SGCD: variants seen among roughly 807,000 people sequenced by gnomAD.
The protein encoded by SGCD is delta-sarcoglycan.
Under a neutral mutation model 36.6 loss-of-function variants are expected in SGCD, and 18 were observed. The observed-to-expected ratio is 0.49, with a 90% CI of 0.34 to 0.73. SGCD has a LOEUF of 0.73. Ranked by LOEUF, SGCD falls within the 30% of genes least tolerant of loss-of-function variation. The pLI, the probability that SGCD is intolerant of heterozygous loss-of-function variation, is 0.01. For missense variants in SGCD, 387 were observed against 346.7 expected, an observed-to-expected ratio of 1.12 and a Z score of -0.92; for synonymous variants, 133 against 130.6, an observed-to-expected ratio of 1.02 and a Z score of -0.12.
intron 3 of SGCD, among the ~76,000 whole-genome samples, chr5:156,406,436 T>A (rs1455084760): frequency 6.6e-6 from 1 of 152,010 alleles, no homozygotes; most frequent in African/African-American, 2.4e-5. Flanking sequence ...TCTCCTCTCC[T>A]CTCCTCTTCT....
intron 3 of SGCD, among the ~76,000 whole-genome samples, chr5:156,287,214 A>G (rs773061797): frequency 2.0e-5 from 3 of 152,152 alleles, no homozygotes; most frequent in African/African-American, 4.8e-5. Flanking sequence ...TCTCTTGTAG[A>G]AACTTGATCA....
intron 1 of SGCD, among the ~76,000 whole-genome samples, chr5:155,990,230 C>T (rs1267825218): frequency 1.3e-5 from 2 of 152,070 alleles, no homozygotes; most frequent in East Asian, 1.9e-4. Context: ...GTTGCTCTCC[C>T]CTAAGCTGTT....
At chr5:156,017,151 T>C (rs1200013087) in intron 1 of SGCD, among the ~76,000 whole-genome samples, 1 of 152,226 alleles carries the variant, frequency 6.6e-6, no homozygotes, top group Non-Finnish European at 1.5e-5. Flanking sequence ...TCTTTTTATA[T>C]GTTTAAAAAC....
intron 4 of SGCD, among the ~76,000 whole-genome samples, chr5:156,567,152 C>A (rs576782069): frequency 1.3e-5 from 2 of 152,202 alleles, no homozygotes; most frequent in African/African-American, 4.8e-5. Flanking sequence ...GGTTAAACTC[C>A]CTCAGTTCTT....
intron 3 of SGCD, among the ~76,000 whole-genome samples, chr5:156,233,884 G>A (rs911861017): frequency 2.0e-5 from 3 of 152,172 alleles, no homozygotes; most frequent in African/African-American, 4.8e-5. Flanking sequence ...GACCACATCT[G>A]TTTTTTGTTT....
At chr5:155,774,940 A>T in the SGCD span, among the ~76,000 whole-genome samples, 1 of 152,132 alleles carries the variant, frequency 6.6e-6, no homozygotes, top group Non-Finnish European at 1.5e-5. Context: ...TCTCAATCAC[A>T]TTGATGCTGC....
chr5:156,671,380 C>G (rs959350690), intron 7 of SGCD, among the ~76,000 whole-genome samples: 2 of 149,622 alleles, frequency 1.3e-5, no homozygotes, highest in Admixed American at 6.7e-5. Context: ...TCAAGTGATT[C>G]TCCCGCCTCA....
At chr5:156,070,110 G>A (rs200224528) in intron 1 of SGCD, among the ~76,000 whole-genome samples, 5,081 of 140,468 alleles carry the variant, frequency 0.036, 596 homozygotes, top group African/African-American at 0.15. Flanking sequence ...TTCCTAATTG[G>A]ATACCCTTTA....
rs371368084 is a variant in SGCD, at chr5:156,281,332, A to C, written c.-43-48202A>C. Among the ~76,000 whole-genome samples, 4 of 152,268 alleles carry C rather than the reference A, an allele frequency of 2.6e-5. No homozygotes were observed. In the South Asian group the frequency reaches 6.2e-4, roughly 24 times the overall value. On this transcript the variant is annotated intron_variant, in intron 3 of 9. Coordinates refer to the SGCD transcript ENST00000517913. The stretch of plus-strand genomic sequence containing the variant: ...TTCTTACATCTCTTTGTGATAATGA[A>C]GATCAAGAAACAATGTGAACAAATT...
At chr5:155,787,845 G>A in the SGCD span, among the ~76,000 whole-genome samples, 1 of 152,124 alleles carries the variant, frequency 6.6e-6, no homozygotes, top group Non-Finnish European at 1.5e-5. Flanking sequence ...TAAGCTAGGG[G>A]CACACTGGAT....
chr5:156,487,772 A>G (rs1581063874), intron 3 of SGCD, among the ~76,000 whole-genome samples: 1 of 120,484 alleles, frequency 8.3e-6, no homozygotes, highest in African/African-American at 3.1e-5. Context: ...TGGGCAACAG[A>G]GTGAGACTCT....
chr5:156,544,996 G>T (rs1346539580), intron 4 of SGCD, among the ~76,000 whole-genome samples: 1 of 152,292 alleles, frequency 6.6e-6, no homozygotes, highest in Middle Eastern at 3.4e-3. Context: ...AATCCTCTGA[G>T]TTGGGTGTTT....
At chr5:156,593,431 T>C (rs964698638) in intron 5 of SGCD, among the ~76,000 whole-genome samples, 5 of 152,122 alleles carry the variant, frequency 3.3e-5, no homozygotes, top group South Asian at 2.1e-4. Context: ...TGTGTGTACA[T>C]AGCAAAACTA....
chr5:156,423,375 ATT>A (rs1773497540), intron 3 of SGCD, among the ~76,000 whole-genome samples: 2 of 107,478 alleles, frequency 1.9e-5, no homozygotes, highest in African/African-American at 7.8e-5. Context: ...ATTATATTTT[ATT>A]ATAATATAAT....
At chr5:156,568,444 T>C (rs1561784150) in intron 4 of SGCD, among the ~76,000 whole-genome samples, 1 of 152,040 alleles carries the variant, frequency 6.6e-6, no homozygotes, top group African/African-American at 2.4e-5. Context: ...TCCCTACTCT[T>C]CCCCCCATTG....
intron 3 of SGCD, among the ~76,000 whole-genome samples, chr5:156,284,893 G>A (rs1766552742): frequency 6.6e-6 from 1 of 152,204 alleles, no homozygotes; most frequent in Non-Finnish European, 1.5e-5. Context: ...GTCCCTGTTT[G>A]CAGATGACAT....
At chr5:155,958,064 G>A (rs1757703240) in intron 1 of SGCD, among the ~76,000 whole-genome samples, 1 of 152,076 alleles carries the variant, frequency 6.6e-6, no homozygotes, top group African/African-American at 2.4e-5. Flanking sequence ...AATGTCCTCT[G>A]AGAGAATAAG....
At chr5:156,233,341 A>G (rs1470793290) in intron 3 of SGCD, among the ~76,000 whole-genome samples, 1 of 152,236 alleles carries the variant, frequency 6.6e-6, no homozygotes, top group Non-Finnish European at 1.5e-5. Flanking sequence ...CAATAATTAA[A>G]CATCATAACG....
intron 3 of SGCD, among the ~76,000 whole-genome samples, chr5:156,457,093 T>C (rs987570974): frequency 6.6e-6 from 1 of 152,224 alleles, no homozygotes; most frequent in African/African-American, 2.4e-5. Context: ...ATTTTTATGC[T>C]AACTTTCTTA....
Sources: gnomAD v4.1 joint callset for allele counts (sites outside exome capture counted in the v4.1 genomes callset) on GRCh38, gnomAD v4.1.1 for gene constraint, MANE v1.5 for transcripts, NCBI Gene and HGNC (gene_info 2026-07-23, HGNC 2026-07-21) for gene names.